Variants in ATXN7 observed in about 807,000 individuals in gnomAD.
ATXN7 encodes the protein ataxin 7.
ATXN7 carries 12 observed loss-of-function variants against 70.5 expected under a neutral mutation model. The observed-to-expected ratio is 0.17, with a 90% CI of 0.11 to 0.28. The LOEUF is 0.28. Ranked by LOEUF, ATXN7 falls within the 10% of genes least tolerant of loss-of-function variation. The pLI, the probability that ATXN7 is intolerant of heterozygous loss-of-function variation, is 1.00. For missense variants in ATXN7, 1,256 were observed against 1,131.7 expected (o/e 1.11, Z -1.58); for synonymous variants, 498 against 448.7 (o/e 1.11, Z -1.39).
At chr3:63,888,277 A>C (rs1703147679) in intron 1 of ATXN7, among the ~76,000 whole-genome samples, 1 of 152,172 alleles carries the variant, frequency 6.6e-6, no homozygotes, top group African/African-American at 2.4e-5. Flanking sequence ...AGATAATTAT[A>C]AATTTATAGG....
At chr3:63,959,172 C>T (rs1038258695) in intron 5 of ATXN7, among the ~76,000 whole-genome samples, 1 of 152,200 alleles carries the variant, frequency 6.6e-6, no homozygotes, top group Admixed American at 6.5e-5. Context: ...CTATCTAAAG[C>T]CAAACTCCTC....
intron 5 of ATXN7, among the ~76,000 whole-genome samples, chr3:63,964,350 G>A (rs549865729): frequency 5.3e-5 from 8 of 152,188 alleles, no homozygotes; most frequent in African/African-American, 1.7e-4. Context: ...CCTCCTAGAG[G>A]ATCATAATTT....
rs114853508 is a variant in ATXN7 at position 63,909,136 on chromosome 3, A to G, written c.-11-3452A>G. On this transcript the variant is annotated intron_variant, in intron 2 of 12. Coordinates refer to ENST00000674280, the MANE Select transcript of ATXN7 (RefSeq NM_001377405.1). ...TGAATACTCATTATTCAAGCCATAT[A>G]AAATGAATTATTACTTAAGTTTTCA... Among the ~76,000 whole-genome samples, 1,067 of 152,364 alleles carry G rather than the reference A, an allele frequency of 7.0e-3. 30 individuals carry two copies. The highest frequency in any genetic ancestry group is 0.049 in the Admixed American group (756 of 15,310).
intron 5 of ATXN7, among the ~76,000 whole-genome samples, chr3:63,971,697 C>T (rs1349709215): frequency 6.6e-6 from 1 of 152,060 alleles, no homozygotes; most frequent in Non-Finnish European, 1.5e-5. Flanking sequence ...AAAACTCCTA[C>T]ATCAAATACA....
At chr3:63,879,920 A>T (rs905157042) in intron 1 of ATXN7, among the ~76,000 whole-genome samples, 1 of 122,666 alleles carries the variant, frequency 8.2e-6, no homozygotes, top group African/African-American at 2.6e-5. Flanking sequence ...CATCTCTACT[A>T]AAAAAAATAC....
intron 1 of ATXN7, among the ~76,000 whole-genome samples, chr3:63,868,131 G>T (rs1177716052): frequency 1.3e-5 from 2 of 152,122 alleles, no homozygotes; most frequent in Admixed American, 1.3e-4. Flanking sequence ...GGAGTAAATG[G>T]GTCTTTCAGC....
At chr3:63,971,633 T>C (rs2075314239) in intron 5 of ATXN7, among the ~76,000 whole-genome samples, 1 of 152,170 alleles carries the variant, frequency 6.6e-6, no homozygotes, top group Non-Finnish European at 1.5e-5. Flanking sequence ...TTTTCAATGG[T>C]ATGCCAAATA....
intron 5 of ATXN7, among the ~76,000 whole-genome samples, chr3:63,977,124 TTG>T (rs2075401251): frequency 6.6e-6 from 1 of 152,188 alleles, no homozygotes; most frequent in Non-Finnish European, 1.5e-5. Flanking sequence ...GTTGTGCATT[TTG>T]TGTTTTCCTA....
intron 1 of ATXN7, among the ~76,000 whole-genome samples, chr3:63,894,532 T>C (rs1206785300): frequency 1.3e-5 from 2 of 152,126 alleles, no homozygotes. Flanking sequence ...ATGTGTTTTG[T>C]TTTGTTTTTG....
chr3:63,930,787 C>T (rs1704922557), intron 4 of ATXN7, among the ~76,000 whole-genome samples: 1 of 152,088 alleles, frequency 6.6e-6, no homozygotes, highest in African/African-American at 2.4e-5. Context: ...GCCTTGGCCT[C>T]TCAAAGTGCT....
At chr3:63,945,777 C>T (rs1269824888) in intron 4 of ATXN7, among the ~76,000 whole-genome samples, 2 of 152,120 alleles carry the variant, frequency 1.3e-5, no homozygotes, top group Admixed American at 1.3e-4. Context: ...TGGCTAGGAG[C>T]CCTACCTAGC....
chr3:63,906,890 G>T (rs1216118067), intron 2 of ATXN7, among the ~76,000 whole-genome samples: 1 of 152,078 alleles, frequency 6.6e-6, no homozygotes, highest in East Asian at 1.9e-4. Flanking sequence ...TGAGGCAAGG[G>T]CAAACTGTAG....
At chr3:63,978,400 T>C (rs2075427711) in intron 5 of ATXN7, among the ~76,000 whole-genome samples, 1 of 152,166 alleles carries the variant, frequency 6.6e-6, no homozygotes, top group African/African-American at 2.4e-5. Context: ...ACAGAAGCTG[T>C]ATCGTCTAAG....
intron 4 of ATXN7, among the ~76,000 whole-genome samples, chr3:63,919,973 G>A (rs935269555): frequency 6.6e-5 from 10 of 151,950 alleles, no homozygotes; most frequent in African/African-American, 2.4e-4. Context: ...AAATTCTCCA[G>A]AATCGCTGCC....
chr3:63,867,853 C>G (rs537525793), intron 1 of ATXN7, among the ~76,000 whole-genome samples: 82 of 152,246 alleles, frequency 5.4e-4, no homozygotes, highest in Non-Finnish European at 7.5e-4. Flanking sequence ...TCACTACACT[C>G]TAGCCTGGGC....
intron 2 of ATXN7, among the ~76,000 whole-genome samples, chr3:63,899,707 G>A (rs1400613995): frequency 6.6e-6 from 1 of 151,948 alleles, no homozygotes; most frequent in African/African-American, 2.4e-5. Context: ...TCCGCCTCCT[G>A]GGTTCACGCA....
chr3:63,875,872 A>C (rs1405154186), intron 1 of ATXN7, among the ~76,000 whole-genome samples: 5 of 152,154 alleles, frequency 3.3e-5, no homozygotes, highest in Admixed American at 3.3e-4. Flanking sequence ...TGTAGTCTGG[A>C]TCATAAACTT....
chr3:63,999,622 G>T lies in ATXN7; in HGVS notation c.*155G>T. The stretch of plus-strand genomic sequence containing the variant: ...AAACCTGCCGGGCTGTTGTTTTAAC[G>T]AGGATTTCCCTGAAGCTATGTCTCT... On this transcript the variant is annotated 3_prime_UTR_variant, in exon 13 of 13. Coordinates refer to ENST00000674280, the MANE Select transcript of ATXN7 (RefSeq NM_001377405.1). The T allele has an allele frequency of 7.3e-7, 1 of 1,368,608 alleles. No individual in the cohort carries two copies. Among genetic ancestry groups the T allele is most frequent in the South Asian group, 1.2e-5 (1 of 80,432 alleles). 84.8% of individuals were successfully genotyped at this position (1,368,608 alleles called of 1,614,324 possible).
intron 5 of ATXN7, chr3:63,967,830 A>G: frequency 6.6e-7 from 1 of 1,523,918 alleles, no homozygotes; most frequent in East Asian, 2.5e-5. Context: ...CATGGAGCAT[A>G]TTTGGAGTTG....
Sources: gnomAD v4.1 joint callset for allele counts (sites outside exome capture counted in the v4.1 genomes callset) on GRCh38, gnomAD v4.1.1 for gene constraint, MANE v1.5 for transcripts, NCBI Gene and HGNC (gene_info 2026-07-23, HGNC 2026-07-21) for gene names.